Variants in PCDHGA11 observed in about 807,000 individuals in gnomAD.
The protein encoded by PCDHGA11 is protocadherin gamma-A11.
In PCDHGA11, 39 loss-of-function variants were observed where a neutral mutation model predicts 60.4. That is an observed-to-expected ratio of 0.65 (90% CI 0.50 to 0.84). The LOEUF (loss-of-function observed/expected upper bound fraction) is 0.84. PCDHGA11 is among the 40% of genes least tolerant of loss of function. The pLI is 0.00. For missense variants in PCDHGA11, 1,165 were observed against 1,197.7 expected (o/e 0.97, Z 0.40); for synonymous variants, 533 against 510.3 (o/e 1.04, Z -0.60).
rs746903142 is a variant in PCDHGA11, at chr5:141,491,667, G to T, written c.2434-3140G>T. ...TGGCGCTGGAGCCTGACGCCATCCG[G>T]TCCCGCTCTAATACGCTGCGGGAGC... On this transcript the variant is annotated intron_variant, in intron 1 of 3. Coordinates refer to ENST00000398587, the MANE Select transcript of PCDHGA11 (RefSeq NM_018914.3). The surrounding 1 kb of genome is among the most constrained non-coding windows in gnomAD (Gnocchi z 6.9). 1.9e-6 allele frequency: 3 copies of T among 1,613,794 alleles called. No individual in the cohort carries two copies. Among genetic ancestry groups the T allele is most frequent in the Admixed American group, 1.7e-5 (1 of 60,032 alleles).
rs1434083091 is a variant in PCDHGA11 at position 141,450,833 on chromosome 5, T to TA, written c.2433+27173_2433+27174insA. 6.4e-3 allele frequency among the ~76,000 whole-genome samples: 943 copies of TA among 147,260 alleles called. 6 individuals carry two copies. The highest frequency in any genetic ancestry group is 0.014 in the Middle Eastern group (4 of 276). ...TTATTTAATATTATTATTATTATTT[T>TA]TTTTTTTTTGAGATGGGGTCTTGCT... is the stretch of plus-strand genomic sequence containing the variant. On this transcript the variant is annotated intron_variant, in intron 1 of 3. Coordinates refer to ENST00000398587, the MANE Select transcript of PCDHGA11 (RefSeq NM_018914.3).
chr5:141,433,307 C>A, intron 1 of PCDHGA11: 1 of 913,756 alleles, frequency 1.1e-6, no homozygotes, highest in Non-Finnish European at 1.6e-6. Flanking sequence ...AATTATCCCA[C>A]CTTTGCCTCC....
At chr5:141,443,481 G>C (rs1025329476) in intron 1 of PCDHGA11, among the ~76,000 whole-genome samples, 3 of 152,114 alleles carry the variant, frequency 2.0e-5, no homozygotes, top group African/African-American at 7.2e-5. Context: ...ATTAGACCCT[G>C]TCCCAAAACA....
intron 1 of PCDHGA11, chr5:141,430,537 A>T (rs1270804825): frequency 7.8e-6 from 3 of 385,890 alleles, no homozygotes; most frequent in African/African-American, 2.1e-5. Flanking sequence ...TAGGACTCTG[A>T]GCGCCGCTGT....
At chr5:141,495,175 C>T (rs1337353259) in intron 2 of PCDHGA11, among the ~76,000 whole-genome samples, 1 of 152,182 alleles carries the variant, frequency 6.6e-6, no homozygotes, top group Admixed American at 6.5e-5. Context: ...TGGGTGAAAG[C>T]GAGGCTTTCT....
chr5:141,424,353 T>C (rs923306479), intron 1 of PCDHGA11: 1 of 152,246 alleles, frequency 6.6e-6, no homozygotes, highest in African/African-American at 2.4e-5. Flanking sequence ...GGAGATAAAA[T>C]TTAGATCACA....
intron 1 of PCDHGA11, chr5:141,492,007 C>T (rs1261430567): frequency 3.0e-5 from 19 of 628,956 alleles, no homozygotes; most frequent in Non-Finnish European, 4.6e-5. Flanking sequence ...GCGATTTCCG[C>T]GGGTGTCGGG....
rs1160156030 is a variant in PCDHGA11 at position 141,477,238 on chromosome 5, C to T, written c.2434-17569C>T. 20 of 1,614,094 alleles carry T rather than the reference C, an allele frequency of 1.2e-5. No individual in the cohort carries two copies. The highest frequency in any genetic ancestry group is 5.0e-5 in the Admixed American group (3 of 60,006). The stretch of plus-strand genomic sequence containing the variant: ...CTCTGGGGACTGTCATCGCTTTGCT[C>T]AGTGTGACTGACCTGGATGCTGGCG... On this transcript the variant is annotated intron_variant, in intron 1 of 3. Transcript: ENST00000398587. This position sits in a 1 kb window ranked among gnomAD's most constrained non-coding sequence, Gnocchi z 4.9.
chr5:141,458,165 A>T lies in PCDHGA11; in HGVS notation c.2433+34505A>T, dbSNP rs10075475. On this transcript the variant is annotated intron_variant, in intron 1 of 3. Coordinates refer to ENST00000398587, the MANE Select transcript of PCDHGA11 (RefSeq NM_018914.3). Reference sequence around the variant, plus strand: ...TGAACATGCTCCAAATTTTGTTCACAGTAGTATACCTTACTTGATTATTAA... The same window carrying T: ...TGAACATGCTCCAAATTTTGTTCACTGTAGTATACCTTACTTGATTATTAA... Among the ~76,000 whole-genome samples the T allele has an allele frequency of 2.4e-3, 368 of 152,356 alleles. 2 individuals carry two copies. The highest frequency in any genetic ancestry group is 8.5e-3 in the African/African-American group (354 of 41,588).
In PCDHGA11 at chr5:141,432,265, G is replaced by A. The variant is rs756993242; in HGVS notation, c.2433+8605G>A. On this transcript the variant is annotated intron_variant, in intron 1 of 3. Transcript: ENST00000398587. The surrounding 1 kb of genome is among the most constrained non-coding windows in gnomAD (Gnocchi z 6.0). ...ACACCATCCAAGGGGCAAGCCTATCGTCCTACGTGTCCATCAACTCCGACA... is the reference window on the plus strand; with the variant it reads ...ACACCATCCAAGGGGCAAGCCTATCATCCTACGTGTCCATCAACTCCGACA... 2.5e-6 allele frequency: 4 copies of A among 1,614,092 alleles called. No individual in the cohort carries two copies. The highest frequency in any genetic ancestry group is 1.7e-5 in the Admixed American group (1 of 60,004).
rs767719494 is a variant in PCDHGA11 at position 141,491,200 on chromosome 5, C to T, written c.2434-3607C>T. On this transcript the variant is annotated intron_variant, in intron 1 of 3. Coordinates refer to ENST00000398587, the MANE Select transcript of PCDHGA11 (RefSeq NM_018914.3). This position sits in a 1 kb window ranked among gnomAD's most constrained non-coding sequence, Gnocchi z 6.9. The stretch of plus-strand genomic sequence containing the variant: ...GGTCCTGGTGAGGGACAATGGTGAC[C>T]CTTCACTCTCCTCCACAGCCACAGT... 4 of 1,614,158 alleles carry T rather than the reference C, an allele frequency of 2.5e-6. No individual in the cohort carries two copies. The highest frequency in any genetic ancestry group is 3.4e-6 in the Non-Finnish European group (4 of 1,180,000).
chr5:141,509,224 T>G (rs1241668369), intron 3 of PCDHGA11, among the ~76,000 whole-genome samples: 3 of 152,176 alleles, frequency 2.0e-5, no homozygotes, highest in Non-Finnish European at 2.9e-5. Flanking sequence ...AATCCCTGGT[T>G]GATGTCCCAG....
At chr5:141,503,005 G>A (rs915064303) in intron 2 of PCDHGA11, among the ~76,000 whole-genome samples, 16 of 145,340 alleles carry the variant, frequency 1.1e-4, no homozygotes, top group African/African-American at 2.3e-4. Flanking sequence ...CACCATGCCC[G>A]GTTAATTTTT....
In PCDHGA11 at chr5:141,432,896, G is replaced by A. The variant is rs2097547014; in HGVS notation, c.2433+9236G>A. On this transcript the variant is annotated intron_variant, in intron 1 of 3. Transcript: ENST00000398587. This position sits in a 1 kb window ranked among gnomAD's most constrained non-coding sequence, Gnocchi z 6.0. ...CCTGGCCTTCGTCATCTTGCTGCTG[G>A]CGCTCAGGCTGCGGCGCTGGCACAA... is the stretch of plus-strand genomic sequence containing the variant. 6.2e-7 allele frequency: 1 copy of A among 1,614,056 alleles called. No homozygotes were observed. Among genetic ancestry groups the A allele is most frequent in the African/African-American group, 1.3e-5 (1 of 74,946 alleles).
At position 141,422,432 on chromosome 5, in the gene PCDHGA11, A is replaced by T; in HGVS notation, c.1205A>T (p.Tyr402Phe). 6.2e-7 allele frequency: 1 copy of T among 1,609,448 alleles called. No individual in the cohort carries two copies. The highest frequency in any genetic ancestry group is 1.1e-5 in the South Asian group (1 of 90,020). The change falls in exon 1 of 4, where the codon TAT becomes TTT. Residue 402 changes from tyrosine to phenylalanine, a missense_variant. Transcript: ENST00000398587. The stretch of plus-strand genomic sequence containing the variant: ...AAATTAGAAAAGACTTATGGAAATT[A>T]TTACAAATTGATAACAAGCAGAGTG... ...PFKLEKTYGN[Y>F]YKLITSRVLD...
intron 3 of PCDHGA11, chr5:141,507,274 C>T (rs1000866082): frequency 1.3e-5 from 2 of 151,532 alleles, no homozygotes; most frequent in Non-Finnish European, 2.9e-5. Context: ...ACTATTTCAG[C>T]ATAAGTCAGT....
At chr5:141,478,816 A>G in intron 1 of PCDHGA11, 1 of 1,450,826 alleles carries the variant, frequency 6.9e-7, no homozygotes, top group Non-Finnish European at 9.1e-7. Context: ...TATCACAACT[A>G]ACCAATCTTG....
Position 141,489,653 on chromosome 5 carries a change from G to C in PCDHGA11, c.2434-5154G>C. ...TCTCCTAGCTTTGCCACCCCTGAGCGAGAGATGCGCATCTCAGAATCAGCA... is the reference window on the plus strand; with the variant it reads ...TCTCCTAGCTTTGCCACCCCTGAGCCAGAGATGCGCATCTCAGAATCAGCA... On this transcript the variant is annotated intron_variant, in intron 1 of 3. Coordinates refer to ENST00000398587, the MANE Select transcript of PCDHGA11 (RefSeq NM_018914.3). The surrounding 1 kb of genome is among the most constrained non-coding windows in gnomAD (Gnocchi z 4.5). 3 of 1,614,164 alleles carry C rather than the reference G, an allele frequency of 1.9e-6. No individual in the cohort carries two copies. The highest frequency in any genetic ancestry group is 2.5e-6 in the Non-Finnish European group (3 of 1,180,018).
rs2096611568 is a variant in PCDHGA11 at position 141,421,923 on chromosome 5, G to T, written c.696G>T (p.Val232=). 6.2e-7 allele frequency: 1 copy of T among 1,613,590 alleles called. No individual in the cohort carries two copies. Residue 232 remains valine (V), a synonymous_variant, in exon 1 of 4, where the codon GTG becomes GTT. Coordinates refer to ENST00000398587, the MANE Select transcript of PCDHGA11 (RefSeq NM_018914.3). ...IRKGAVPIRV[V]VLDVNDHIPM... ...AGGGCGCAGTTCCCATTCGTGTGGT[G>T]GTCCTCGATGTAAATGATCACATCC...
Sources: allele counts gnomAD v4.1 joint callset (sites outside exome capture counted in the v4.1 genomes callset), GRCh38; gene constraint gnomAD v4.1.1; non-coding constraint Gnocchi (gnomAD v3.1); transcripts MANE v1.5; gene names NCBI Gene and HGNC (gene_info 2026-07-23, HGNC 2026-07-21).